PCDHGB3: variants seen among roughly 807,000 people sequenced by gnomAD.
PCDHGB3 encodes protocadherin gamma subfamily B, 3, also known as protocadherin gamma-B3.
PCDHGB3 carries 40 observed loss-of-function variants against 59.2 expected under a neutral mutation model. The observed-to-expected ratio is 0.68, with a 90% CI of 0.52 to 0.88. PCDHGB3 has a LOEUF of 0.88. Among genes scored for constraint, PCDHGB3 ranks in the 40% least tolerant of loss-of-function variants. The pLI is 0.00. For synonymous variants in PCDHGB3, 581 were observed against 503.6 expected, an observed-to-expected ratio of 1.15 and a Z score of -2.06; for missense variants, 1,309 against 1,187.9, an observed-to-expected ratio of 1.10 and a Z score of -1.50.
intron 1 of PCDHGB3, among the ~76,000 whole-genome samples, chr5:141,461,768 C>T (rs532591390): frequency 1.3e-5 from 2 of 152,016 alleles, no homozygotes; most frequent in African/African-American, 4.8e-5. Context: ...ATTCTCCTGC[C>T]TCAGCCTCCC....
At chr5:141,404,779 C>G in intron 1 of PCDHGB3, 1 of 1,613,746 alleles carries the variant, frequency 6.2e-7, no homozygotes, top group Non-Finnish European at 8.5e-7. Context: ...ACCGCCTATT[C>G]AAGGCCAGTG....
chr5:141,478,532 G>T, intron 1 of PCDHGB3: 1 of 1,607,858 alleles, frequency 6.2e-7, no homozygotes, highest in East Asian at 2.2e-5. Flanking sequence ...TGCAGAGAGC[G>T]CCCCTCCCGG....
In PCDHGB3 at chr5:141,463,438, C is replaced by CTTT. The variant is rs71576115; in HGVS notation, c.2416-31343_2416-31341dup. ...GTTTGCGGATCCTCATTTCCTTCTC[C>CTTT]TTTTTTTTTTTTTTTTTTTTTTTTT... On this transcript the variant is annotated intron_variant, in intron 1 of 3. Coordinates refer to ENST00000576222, the MANE Select transcript of PCDHGB3 (RefSeq NM_018924.5). 5.0e-3 allele frequency among the ~76,000 whole-genome samples: 517 copies of CTTT among 103,248 alleles called. 61 individuals are homozygous for CTTT. The highest frequency in any genetic ancestry group is 0.017 in the African/African-American group (381 of 22,398). The allele number at this position is 103,248 out of a possible 152,430, so 67.7% of individuals were successfully genotyped here.
chr5:141,427,494 A>G (rs1220750249), intron 1 of PCDHGB3: 1 of 560,916 alleles, frequency 1.8e-6, no homozygotes, highest in Non-Finnish European at 3.4e-6. Context: ...TAAGCTTGTA[A>G]CAGATGGGAC....
rs1219315187 is a variant in PCDHGB3, at chr5:141,370,419, G to C, written c.25G>C (p.Gly9Arg). 6 of 1,572,938 alleles carry C rather than the reference G, an allele frequency of 3.8e-6. No individual in the cohort carries two copies. The highest frequency in any genetic ancestry group is 1.4e-5 in the African/African-American group (1 of 73,278). ...GATGGGAAATAGCTCCGGATGGAGG[G>C]GCCCAGCAGGGCAGAGGCGAATGCT... MGNSSGWR[G>R]PAGQRRMLFL... Residue 9 changes from glycine (G) to arginine (R), a missense_variant, in exon 1 of 4, where the codon GGC becomes CGC. Coordinates refer to ENST00000576222, the MANE Select transcript of PCDHGB3 (RefSeq NM_018924.5).
intron 1 of PCDHGB3, among the ~76,000 whole-genome samples, chr5:141,445,793 CAG>C (rs1466260011): frequency 6.6e-6 from 1 of 152,132 alleles, no homozygotes; most frequent in Admixed American, 6.5e-5. Context: ...AGGCTAGAAA[CAG>C]AAAATAAATA....
chr5:141,407,959 G>T, intron 1 of PCDHGB3: 1 of 668,062 alleles, frequency 1.5e-6, no homozygotes, highest in South Asian at 2.3e-5. Flanking sequence ...CCAGTGCAGA[G>T]CAAGCGCTGA....
Position 141,415,740 on chromosome 5 carries a change from GTTTTTTTTTTTTTTTTTTT to G in PCDHGB3, c.2415+42945_2415+42963del, listed in dbSNP as rs57426385. ...TGAGTAGAATTTGATGTTTATTAAG[GTTTTTTTTTTTTTTTTTTT>G]TTTTTTTTTTTTTACTTTCTGGTAA... is the stretch of plus-strand genomic sequence containing the variant. On this transcript the variant is annotated intron_variant, in intron 1 of 3. Coordinates refer to ENST00000576222, the MANE Select transcript of PCDHGB3 (RefSeq NM_018924.5). The G allele has an allele frequency of 6.7e-5, 42 of 625,046 alleles. No individual in the cohort carries two copies. In the African/African-American group the frequency reaches 7.3e-4, roughly 11 times the overall value. 38.7% of individuals were successfully genotyped at this position (625,046 alleles called of 1,614,324 possible).
rs1766839959 is a variant in PCDHGB3 at position 141,370,362 on chromosome 5, C to T, written c.-33C>T. 2.0e-6 allele frequency: 3 copies of T among 1,517,790 alleles called. No individual in the cohort carries two copies. The highest frequency in any genetic ancestry group is 2.6e-6 in the Non-Finnish European group (3 of 1,134,366). The allele number at this position is 1,517,790 out of a possible 1,614,324, so 94.0% of individuals were successfully genotyped here. ...GGATTATTTAAAGATCTCCTCTCCT[C>T]GGATTTAGAAAGGCAAAGGCGCAGA... On this transcript the variant is annotated 5_prime_UTR_variant, in exon 1 of 4. Transcript: ENST00000576222.
chr5:141,508,043 T>A (rs2099865910), intron 3 of PCDHGB3: 1 of 152,252 alleles, frequency 6.6e-6, no homozygotes, highest in Non-Finnish European at 1.5e-5. Context: ...CAGCCAGCTG[T>A]GTTCCAGCTA....
rs1292747996 is a variant in PCDHGB3, at chr5:141,475,972, T to C, written c.2416-18835T>C. 2.0e-5 allele frequency: 19 copies of C among 963,712 alleles called. No individual in the cohort carries two copies. In the East Asian group the frequency reaches 3.4e-4, roughly 17 times the overall value. The allele number at this position is 963,712 out of a possible 1,614,324, so 59.7% of individuals were successfully genotyped here. A position where few individuals can be genotyped will look rare whatever the true frequency, so the allele number is the denominator to read the frequency against. ...CTGCGCCCCGGGATGAGGCAGAGAC[T>C]GAACAGCCGGCGAGCAAATCAACGG... On this transcript the variant is annotated intron_variant, in intron 1 of 3. Transcript: ENST00000576222.
chr5:141,404,798 C>T (rs1422774939), intron 1 of PCDHGB3: 2 of 1,613,842 alleles, frequency 1.2e-6, no homozygotes, highest in Admixed American at 1.7e-5. Context: ...TGAGCCAGGG[C>T]TCTTCTCGGT....
chr5:141,377,843 A>C (rs1774391445), intron 1 of PCDHGB3: 1 of 152,166 alleles, frequency 6.6e-6, no homozygotes, highest in Admixed American at 6.5e-5. Flanking sequence ...ATTATCTTCC[A>C]ATTAAAATTA....
intron 1 of PCDHGB3, chr5:141,416,753 G>A (rs1168212796): frequency 1.3e-5 from 2 of 152,154 alleles, no homozygotes; most frequent in Non-Finnish European, 2.9e-5. Context: ...GACGTATTAG[G>A]TAGATCTCTT....
At chr5:141,469,111 T>TA (rs1275770294) in intron 1 of PCDHGB3, among the ~76,000 whole-genome samples, 1 of 151,476 alleles carries the variant, frequency 6.6e-6, no homozygotes, top group African/African-American at 2.4e-5. Context: ...AACCTGTCTC[T>TA]AAAAAAATTT....
At chr5:141,384,368 C>T (rs748304499) in intron 1 of PCDHGB3, 7 of 1,613,908 alleles carry the variant, frequency 4.3e-6, no homozygotes, top group East Asian at 2.2e-5. Flanking sequence ...ATCACTTATT[C>T]CTTGGCCGAA....
chr5:141,402,430 C>T (rs1026560659), intron 1 of PCDHGB3, among the ~76,000 whole-genome samples: 2 of 151,802 alleles, frequency 1.3e-5, no homozygotes, highest in African/African-American at 4.8e-5. Flanking sequence ...ATTGAAGCAT[C>T]ATAAAAAGGA....
chr5:141,481,352 C>T (rs1007066307), intron 1 of PCDHGB3, among the ~76,000 whole-genome samples: 3 of 152,222 alleles, frequency 2.0e-5, no homozygotes, highest in East Asian at 1.9e-4. Flanking sequence ...TAAACATCTA[C>T]AGCTGTTCAA....
Position 141,454,887 on chromosome 5 carries a change from T to C in PCDHGB3, c.2416-39920T>C, listed in dbSNP as rs1291501766. Among the ~76,000 whole-genome samples, 3 of 138,310 alleles carry C rather than the reference T, an allele frequency of 2.2e-5. No homozygotes were observed. The Admixed American group carries it at 2.3e-4, about 11-fold the overall frequency. 90.7% of individuals were successfully genotyped at this position (138,310 alleles called of 152,430 possible). A position where few individuals can be genotyped will look rare whatever the true frequency, so the allele number is the denominator to read the frequency against. ...CAGTGGCACGATCTTGGCTCACTGC[T>C]AGCACCGCCTCCCGGGTTCACGCCA... On this transcript the variant is annotated intron_variant, in intron 1 of 3. Coordinates refer to ENST00000576222, the MANE Select transcript of PCDHGB3 (RefSeq NM_018924.5).
Sources: allele counts gnomAD v4.1 joint callset (sites outside exome capture counted in the v4.1 genomes callset), GRCh38; gene constraint gnomAD v4.1.1; transcripts MANE v1.5; gene names NCBI Gene and HGNC (gene_info 2026-07-23, HGNC 2026-07-21).